DHX9: variants seen among roughly 807,000 people sequenced by gnomAD.
DHX9 encodes ATP-dependent RNA helicase A.
DHX9 carries 27 observed loss-of-function variants against 148.7 expected under a neutral mutation model. The observed-to-expected ratio is 0.18, with a 90% CI of 0.13 to 0.25. DHX9 has a LOEUF of 0.25. DHX9 is among the 10% of genes least tolerant of loss of function. The pLI, the probability that DHX9 is intolerant of heterozygous loss-of-function variation, is 1.00. For missense variants in DHX9, 796 were observed against 1,559.6 expected, an observed-to-expected ratio of 0.51 and a Z score of 8.25; for synonymous variants, 529 against 516.6, an observed-to-expected ratio of 1.02 and a Z score of -0.33.
At chr1:182,863,980 C>T (rs1452391572) in intron 12 of DHX9, among the ~76,000 whole-genome samples, 1 of 152,108 alleles carries the variant, frequency 6.6e-6, no homozygotes, top group Non-Finnish European at 1.5e-5. Context: ...AAAGACCAGC[C>T]TGGGCAACAT....
At chr1:182,848,761 G>A (rs1478355089) in intron 3 of DHX9, among the ~76,000 whole-genome samples, 4 of 152,170 alleles carry the variant, frequency 2.6e-5, no homozygotes, top group African/African-American at 9.7e-5. Flanking sequence ...CAGGAAGTGT[G>A]GTACTGGAAT....
At chr1:182,860,213 T>C in intron 12 of DHX9, 29 bp downstream of exon 12, 1 of 1,507,166 alleles carries the variant, frequency 6.6e-7, no homozygotes, top group Non-Finnish European at 8.9e-7. Context: ...ATGAAATACC[T>C]AGAGAGCAGA....
rs1172129239 is a variant in DHX9 at position 182,887,853 on chromosome 1, A to G, written c.*419A>G. ...GTCAGAGAAGTTGTACCCTGTTTCA[A>G]AAGTATACTAAGTGATACTACTTGT... On this transcript the variant is annotated 3_prime_UTR_variant, in exon 28 of 28. Coordinates refer to ENST00000367549, the MANE Select transcript of DHX9 (RefSeq NM_001357.5). The G allele has an allele frequency of 5.5e-6, 1 of 180,416 alleles. No individual in the cohort carries two copies. Among genetic ancestry groups the G allele is most frequent in the Non-Finnish European group, 1.2e-5 (1 of 83,024 alleles). The allele number at this position is 180,416 out of a possible 1,614,324, so 11.2% of individuals were successfully genotyped here. A position where few individuals can be genotyped will look rare whatever the true frequency, so the allele number is the denominator to read the frequency against.
At position 182,887,600 on chromosome 1, in the gene DHX9, T is replaced by A; in HGVS notation, c.*166T>A. On this transcript the variant is annotated 3_prime_UTR_variant, in exon 28 of 28. Coordinates refer to ENST00000367549, the MANE Select transcript of DHX9 (RefSeq NM_001357.5). ...GAAACCAAGCATATAGATGCATTAG[T>A]GATTTTGTTTATATTATGTAAAATA... The A allele has an allele frequency of 3.3e-6, 2 of 598,602 alleles. No homozygotes were observed. The highest frequency in any genetic ancestry group is 6.0e-5 in the Admixed American group (2 of 33,248). 37.1% of individuals were successfully genotyped at this position (598,602 alleles called of 1,614,324 possible). A position where few individuals can be genotyped will look rare whatever the true frequency, so the allele number is the denominator to read the frequency against.
intron 21 of DHX9, 96 bp from the exon 22 acceptor site, chr1:182,880,401 A>G (rs1571321432): frequency 6.9e-6 from 5 of 722,144 alleles, no homozygotes; most frequent in East Asian, 5.5e-5. Flanking sequence ...CAAAAGAGGA[A>G]CTCTAAACTG....
chr1:182,858,722 T>A lies in DHX9; in HGVS notation c.901-11T>A. The A allele has an allele frequency of 2.5e-6, 4 of 1,613,358 alleles. No homozygotes were observed. Among genetic ancestry groups the A allele is most frequent in the Non-Finnish European group, 3.4e-6 (4 of 1,179,556 alleles). The stretch of plus-strand genomic sequence containing the variant: ...TCATATTTTTTGTTTGTTTTTCTTA[T>A]TTTTTAATAGCCTGAAGATCCTTCT... On this transcript the variant is annotated splice_polypyrimidine_tract_variant and intron_variant, in intron 9 of 27. Transcript: ENST00000367549.
intron 24 of DHX9, among the ~76,000 whole-genome samples, chr1:182,882,831 C>T (rs1649147346): frequency 6.7e-6 from 1 of 149,548 alleles, no homozygotes; most frequent in Non-Finnish European, 1.5e-5. Context: ...CGCCACTGCA[C>T]TCCAGCCTGG....
In DHX9 at chr1:182,843,350, T is replaced by C. The variant is rs764960093; in HGVS notation, c.168T>C (p.Asp56=). The C allele has an allele frequency of 6.2e-7, 1 of 1,610,334 alleles. No individual in the cohort carries two copies. The highest frequency in any genetic ancestry group is 1.1e-5 in the South Asian group (1 of 90,432). ...TGGGAAATTCCACCAATAAAAAAGA[T>C]GCACAAAGCAATGCTGCCAGAGACT... The part of the protein sequence containing the change: ...TGMGNSTNKK[D]AQSNAARDFV... Residue 56 remains aspartate (D), a synonymous_variant, in exon 3 of 28, where the codon GAT becomes GAC. Coordinates refer to ENST00000367549, the MANE Select transcript of DHX9 (RefSeq NM_001357.5).
intron 12 of DHX9, among the ~76,000 whole-genome samples, chr1:182,860,501 T>C (rs935536138): frequency 2.0e-5 from 3 of 152,204 alleles, no homozygotes; most frequent in Admixed American, 1.3e-4. Context: ...CTAACCACCT[T>C]GATATTGAGT....
chr1:182,868,519 C>CT (rs1557974014), intron 14 of DHX9, among the ~76,000 whole-genome samples: 1 of 118,702 alleles, frequency 8.4e-6, no homozygotes, highest in Admixed American at 7.8e-5. Context: ...TATTTTAATT[C>CT]CTTTTTTTTT....
intron 7 of DHX9, among the ~76,000 whole-genome samples, chr1:182,857,181 T>C (rs1435069313): frequency 6.6e-6 from 1 of 152,010 alleles, no homozygotes; most frequent in African/African-American, 2.4e-5. Flanking sequence ...ATACAATGAG[T>C]TATTTTGAGT....
At chr1:182,882,709 C>CA (rs1257524944) in intron 24 of DHX9, among the ~76,000 whole-genome samples, 3 of 151,850 alleles carry the variant, frequency 2.0e-5, no homozygotes, top group Non-Finnish European at 4.4e-5. Context: ...ACTAAAACTA[C>CA]AAAAAATTAG....
intron 11 of DHX9, among the ~76,000 whole-genome samples, chr1:182,859,429 G>A (rs1557970165): frequency 6.6e-6 from 1 of 152,100 alleles, no homozygotes; most frequent in African/African-American, 2.4e-5. Context: ...ATGCGTGTGC[G>A]ACTTTCAGGG....
intron 14 of DHX9, among the ~76,000 whole-genome samples, chr1:182,868,575 C>T (rs1437849145): frequency 4.4e-5 from 6 of 137,468 alleles, no homozygotes; most frequent in East Asian, 2.1e-4. Context: ...AGTGCAATGG[C>T]GCGATCTCGG....
In DHX9 at chr1:182,858,131, AT is replaced by A; in HGVS notation, c.702del (p.Asn234LysfsTer43). ...ATTTTTGCACGAGAACATGGATCAA[AT>A]AAGAAATTGGCAGCACAGTCCTGTG... The part of the protein sequence containing the change: ...RRIFAREHGS[N>X]KKLAAQSCAL... On this transcript the variant is annotated frameshift_variant, in exon 8 of 28. Transcript: ENST00000367549. LOFTEE classifies it high-confidence loss of function. 1 of 1,613,522 alleles carries A rather than the reference AT, an allele frequency of 6.2e-7. No individual in the cohort carries two copies. Among genetic ancestry groups the A allele is most frequent in the Non-Finnish European group, 8.5e-7 (1 of 1,179,876 alleles).
intron 3 of DHX9, among the ~76,000 whole-genome samples, chr1:182,849,409 TAAAA>T (rs779697181): frequency 1.6e-4 from 25 of 152,120 alleles, no homozygotes; most frequent in Non-Finnish European, 3.2e-4. Flanking sequence ...ATTCTTTTTT[TAAAA>T]AAAGTATTAT....
chr1:182,859,217 G>A (rs544552335), intron 11 of DHX9, 100 bp downstream of exon 11: 7 of 1,037,708 alleles, frequency 6.7e-6, no homozygotes, highest in Non-Finnish European at 1.0e-5. Flanking sequence ...TTTTAAGGAG[G>A]GCATATCAAA....
At chr1:182,864,507 T>G (rs1648196514) in intron 12 of DHX9, among the ~76,000 whole-genome samples, 2 of 152,218 alleles carry the variant, frequency 1.3e-5, no homozygotes, top group South Asian at 4.1e-4. Flanking sequence ...TATTTTAACT[T>G]TCGTGCATTT....
intron 26 of DHX9, among the ~76,000 whole-genome samples, chr1:182,883,855 A>G (rs1291076917): frequency 2.6e-5 from 4 of 152,156 alleles, no homozygotes; most frequent in Non-Finnish European, 5.9e-5. Flanking sequence ...ATCTAAGTGA[A>G]GCTTGAGTAC....
Sources: gnomAD v4.1 joint callset for allele counts (sites outside exome capture counted in the v4.1 genomes callset) on GRCh38, gnomAD v4.1.1 for gene constraint, MANE v1.5 for transcripts, NCBI Gene and HGNC (gene_info 2026-07-23, HGNC 2026-07-21) for gene names.